Variants in WASL observed in about 807,000 individuals in gnomAD.
WASL encodes actin nucleation-promoting factor WASL.
In WASL, 20 loss-of-function variants were observed where a neutral mutation model predicts 55.5. The observed-to-expected ratio is 0.36, with a 90% CI of 0.25 to 0.52. WASL has a LOEUF of 0.52. Among genes scored for constraint, WASL ranks in the 20% least tolerant of loss-of-function variants. The pLI is 0.92. For synonymous variants in WASL, 249 were observed against 217.6 expected (o/e 1.14, Z -1.27); for missense variants, 504 against 622.5 (o/e 0.81, Z 2.03).
chr7:123,724,794 G>A (rs888561536), intron 1 of WASL, among the ~76,000 whole-genome samples: 1 of 151,926 alleles, frequency 6.6e-6, no homozygotes, highest in Non-Finnish European at 1.5e-5. Context: ...TTTCTTCTTG[G>A]CACTTCATAA....
At chr7:123,699,905 G>A (rs764829050) in intron 5 of WASL, among the ~76,000 whole-genome samples, 16 of 151,904 alleles carry the variant, frequency 1.1e-4, no homozygotes, top group East Asian at 1.9e-4. Context: ...GGCCGGGCGC[G>A]GTGGCTCACG....
chr7:123,691,129 C>G (rs1192950924), intron 9 of WASL, among the ~76,000 whole-genome samples: 1 of 152,210 alleles, frequency 6.6e-6, no homozygotes, highest in Non-Finnish European at 1.5e-5. Flanking sequence ...TGCTTCCTAT[C>G]TATTACCCTC....
At chr7:123,735,486 T>A (rs1201959343) in intron 1 of WASL, among the ~76,000 whole-genome samples, 1 of 151,878 alleles carries the variant, frequency 6.6e-6, no homozygotes, top group African/African-American at 2.4e-5. Flanking sequence ...ATATCTGTAG[T>A]CCATATATTT....
intron 1 of WASL, among the ~76,000 whole-genome samples, chr7:123,723,118 AATACAC>A (rs1329856001): frequency 1.3e-5 from 2 of 152,220 alleles, no homozygotes; most frequent in Non-Finnish European, 2.9e-5. Flanking sequence ...TTATAGGGTT[AATACAC>A]ATAAAGTACT....
At chr7:123,688,777 T>C (rs1033491149) in intron 10 of WASL, among the ~76,000 whole-genome samples, 5 of 152,186 alleles carry the variant, frequency 3.3e-5, no homozygotes, top group African/African-American at 4.8e-5. Context: ...GAAACAAAAC[T>C]GTCAATATTC....
Position 123,748,608 on chromosome 7 carries a change from G to C in WASL, c.117+10C>G. The stretch of plus-strand genomic sequence containing the variant: ...TGTCACGGGTGGCGACGCGGGTCTC[G>C]TCCACTGACCACACATTTCTTGCCG... On this transcript the variant is annotated intron_variant, in intron 1 of 10. Transcript: ENST00000223023. 2 of 1,612,878 alleles carry C rather than the reference G, an allele frequency of 1.2e-6. No homozygotes were observed. Among genetic ancestry groups the C allele is most frequent in the South Asian group, 1.1e-5 (1 of 91,024 alleles).
At chr7:123,715,267 G>C (rs1803821916) in intron 1 of WASL, among the ~76,000 whole-genome samples, 1 of 152,172 alleles carries the variant, frequency 6.6e-6, no homozygotes, top group African/African-American at 2.4e-5. Context: ...CTTGCACCTT[G>C]TAGCTTGCCC....
chr7:123,730,387 T>C (rs1804117207), intron 1 of WASL, among the ~76,000 whole-genome samples: 1 of 152,126 alleles, frequency 6.6e-6, no homozygotes, highest in African/African-American at 2.4e-5. Context: ...AGCTTTTAGA[T>C]AAATAAAATT....
chr7:123,706,249 C>G, intron 4 of WASL, 28 bp downstream of exon 4: 2 of 1,602,164 alleles, frequency 1.2e-6, no homozygotes, highest in South Asian at 2.2e-5. Context: ...GTTTGCTGGC[C>G]TGATTTAAGT....
At chr7:123,725,815 T>C (rs1804032700) in intron 1 of WASL, among the ~76,000 whole-genome samples, 3 of 152,172 alleles carry the variant, frequency 2.0e-5, no homozygotes, top group South Asian at 4.1e-4. Flanking sequence ...GCAGAAAACA[T>C]TTAAATTAAA....
chr7:123,720,465 C>T, intron 1 of WASL: 1 of 363,238 alleles, frequency 2.8e-6, no homozygotes, highest in Non-Finnish European at 5.3e-6. Flanking sequence ...GTACACAATA[C>T]CACAAACAAG....
chr7:123,748,549 C>T, intron 1 of WASL, 69 bp downstream of exon 1: 1 of 1,556,708 alleles, frequency 6.4e-7, no homozygotes, highest in Non-Finnish European at 8.8e-7. Flanking sequence ...CCCACTCCCA[C>T]TTCCCGGCCC....
At chr7:123,738,419 T>C (rs571664394) in intron 1 of WASL, among the ~76,000 whole-genome samples, 5 of 152,294 alleles carry the variant, frequency 3.3e-5, no homozygotes, top group African/African-American at 4.8e-5. Flanking sequence ...TCTGTAATCT[T>C]GAGCTTGACA....
chr7:123,701,943 A>AT (rs1803597461), intron 5 of WASL, among the ~76,000 whole-genome samples: 1 of 67,942 alleles, frequency 1.5e-5, no homozygotes, highest in Admixed American at 1.5e-4. Context: ...TAACAACACT[A>AT]TTAAAAAAAA....
At chr7:123,707,685 G>GT (rs1209773272) in intron 2 of WASL, among the ~76,000 whole-genome samples, 1 of 152,176 alleles carries the variant, frequency 6.6e-6, no homozygotes, top group Non-Finnish European at 1.5e-5. Flanking sequence ...TAGTGGAGTA[G>GT]TAAGTGTATG....
At chr7:123,691,482 T>G (rs73224178) in intron 9 of WASL, among the ~76,000 whole-genome samples, 1 of 152,320 alleles carries the variant, frequency 6.6e-6, no homozygotes, top group Non-Finnish European at 1.5e-5. Context: ...GTGAAAGTTA[T>G]ATAAAATTCA....
intron 5 of WASL, among the ~76,000 whole-genome samples, chr7:123,702,856 G>C (rs998554035): frequency 6.6e-6 from 1 of 152,066 alleles, no homozygotes; most frequent in Admixed American, 6.5e-5. Flanking sequence ...GATCCAACAT[G>C]GATACATGTA....
At position 123,748,877 on chromosome 7, in the gene WASL, A is replaced by T. The variant is rs1584879295; in HGVS notation, c.-143T>A. 2 of 684,262 alleles carry T rather than the reference A, an allele frequency of 2.9e-6. No individual in the cohort carries two copies. Among genetic ancestry groups the T allele is most frequent in the Admixed American group, 3.2e-5 (1 of 31,190 alleles). The allele number at this position is 684,262 out of a possible 1,614,324, so 42.4% of individuals were successfully genotyped here. A position where few individuals can be genotyped will look rare whatever the true frequency, so the allele number is the denominator to read the frequency against. ...CAGCTCCTCCGGAGCGGGGAGGAGG[A>T]CGAGGTCGAGGGAAGCAGGCGCTGA... is the stretch of plus-strand genomic sequence containing the variant. On this transcript the variant is annotated 5_prime_UTR_variant, in exon 1 of 11. Transcript: ENST00000223023.
At chr7:123,685,427 G>A (rs1454766792) in intron 10 of WASL, among the ~76,000 whole-genome samples, 3 of 151,906 alleles carry the variant, frequency 2.0e-5, no homozygotes, top group Non-Finnish European at 4.4e-5. Context: ...TCTGGCTTTA[G>A]AACTTCTGCA....
Sources: allele counts gnomAD v4.1 joint callset (sites outside exome capture counted in the v4.1 genomes callset), GRCh38; gene constraint gnomAD v4.1.1; transcripts MANE v1.5; gene names NCBI Gene and HGNC (gene_info 2026-07-23, HGNC 2026-07-21).